Variants in ERBB4 observed in about 807,000 individuals in gnomAD.
The protein encoded by ERBB4 is receptor tyrosine-protein kinase erbB-4.
ERBB4 carries 42 observed loss-of-function variants against 158.0 expected under a neutral mutation model. The ratio of observed to expected loss-of-function variants is 0.27; its 90% CI spans 0.21 to 0.34. ERBB4 has a LOEUF of 0.34. Among genes scored for constraint, ERBB4 ranks in the 10% least tolerant of loss-of-function variants. ERBB4 has a pLI of 1.00. For missense variants in ERBB4, 1,333 were observed against 1,624.1 expected, an observed-to-expected ratio of 0.82 and a Z score of 3.08; for synonymous variants, 583 against 558.7, an observed-to-expected ratio of 1.04 and a Z score of -0.61.
intron 2 of ERBB4, among the ~76,000 whole-genome samples, chr2:211,973,350 C>G (rs550364867): frequency 6.6e-6 from 1 of 151,896 alleles, no homozygotes; most frequent in Non-Finnish European, 1.5e-5. Context: ...TACAGGTGCC[C>G]GCCACCACAC....
At chr2:211,877,027 T>C (rs1356977569) in intron 3 of ERBB4, among the ~76,000 whole-genome samples, 1 of 152,202 alleles carries the variant, frequency 6.6e-6, no homozygotes, top group Non-Finnish European at 1.5e-5. Flanking sequence ...CTTTCTTCCT[T>C]AATTACGGAA....
chr2:211,392,355 AAAC>A (rs1574398577), intron 25 of ERBB4, among the ~76,000 whole-genome samples: 1 of 152,132 alleles, frequency 6.6e-6, no homozygotes, highest in East Asian at 1.9e-4. Flanking sequence ...AATCAGAAGG[AAAC>A]AAACAGAATG....
chr2:211,521,857 T>A (rs1478317357), intron 20 of ERBB4, among the ~76,000 whole-genome samples: 1 of 152,172 alleles, frequency 6.6e-6, no homozygotes, highest in Non-Finnish European at 1.5e-5. Flanking sequence ...ACAGCACATC[T>A]GTTGTCAGCA....
chr2:211,723,694 G>A (rs928463006), intron 6 of ERBB4, among the ~76,000 whole-genome samples: 2 of 151,944 alleles, frequency 1.3e-5, no homozygotes, highest in South Asian at 2.1e-4. Context: ...TTTAATTTAT[G>A]GTTATAAAAT....
At chr2:211,615,466 T>G (rs1415001708) in intron 19 of ERBB4, among the ~76,000 whole-genome samples, 3 of 152,120 alleles carry the variant, frequency 2.0e-5, no homozygotes, top group Non-Finnish European at 4.4e-5. Flanking sequence ...GTCATTTTCT[T>G]AATGTTGTTC....
chr2:212,108,664 C>T (rs1158904437), intron 2 of ERBB4, among the ~76,000 whole-genome samples: 2 of 146,154 alleles, frequency 1.4e-5, no homozygotes, highest in African/African-American at 5.1e-5. Flanking sequence ...TATTCCCAAT[C>T]ACTTCACTAA....
chr2:212,037,613 C>G (rs949111466), intron 2 of ERBB4, among the ~76,000 whole-genome samples: 1 of 152,132 alleles, frequency 6.6e-6, no homozygotes, highest in Non-Finnish European at 1.5e-5. Flanking sequence ...AGAAATGCCA[C>G]AGGCTGAATA....
intron 1 of ERBB4, among the ~76,000 whole-genome samples, chr2:212,421,170 C>T (rs73987402): frequency 0.09 from 13,703 of 152,040 alleles, 1,087 homozygotes; most frequent in African/African-American, 0.2. Flanking sequence ...AATTATGGGT[C>T]AATATATTTT....
intron 3 of ERBB4, among the ~76,000 whole-genome samples, chr2:211,878,319 A>C (rs1336859353): frequency 1.3e-5 from 2 of 152,222 alleles, no homozygotes; most frequent in African/African-American, 2.4e-5. Context: ...AAAAAATTTA[A>C]ATAACAAAAT....
chr2:212,032,719 A>G (rs2076929820), intron 2 of ERBB4, among the ~76,000 whole-genome samples: 1 of 151,992 alleles, frequency 6.6e-6, no homozygotes, highest in African/African-American at 2.4e-5. Context: ...GGAGGGTGGT[A>G]TTGGCACTGA....
chr2:211,799,266 A>G (rs1477832491), intron 3 of ERBB4, among the ~76,000 whole-genome samples: 1 of 152,112 alleles, frequency 6.6e-6, no homozygotes, highest in Non-Finnish European at 1.5e-5. Flanking sequence ...TTATTTTCAT[A>G]TTGTCACATC....
chr2:212,455,405 G>C lies in ERBB4; in HGVS notation c.82+83044C>G, dbSNP rs545065259. On this transcript the variant is annotated intron_variant, in intron 1 of 27. Transcript: ENST00000342788. ...AGTAGCAGCCTCTAGCCCTGAGTTA[G>C]CCAGTAGAACTTTCTGCAATGATGA... 3.0e-5 allele frequency among the ~76,000 whole-genome samples: 4 copies of C among 134,568 alleles called. No individual in the cohort carries two copies. In the South Asian group the frequency reaches 9.3e-4, roughly 31 times the overall value. 88.3% of individuals were successfully genotyped at this position (134,568 alleles called of 152,430 possible). A position where few individuals can be genotyped will look rare whatever the true frequency, so the allele number is the denominator to read the frequency against.
At chr2:211,911,102 A>T (rs2079530043) in intron 3 of ERBB4, among the ~76,000 whole-genome samples, 1 of 152,196 alleles carries the variant, frequency 6.6e-6, no homozygotes, top group African/African-American at 2.4e-5. Flanking sequence ...TCCTTTATTT[A>T]TTTAGGTAAG....
intron 1 of ERBB4, among the ~76,000 whole-genome samples, chr2:212,222,112 T>C (rs12615037): frequency 6.6e-6 from 1 of 151,564 alleles, no homozygotes; most frequent in Non-Finnish European, 1.5e-5. Context: ...AGTATATAAG[T>C]GGATTATTTT....
intron 2 of ERBB4, among the ~76,000 whole-genome samples, chr2:212,047,998 G>A (rs1351765450): frequency 6.6e-6 from 1 of 152,102 alleles, no homozygotes; most frequent in Admixed American, 6.6e-5. Context: ...ACATTTTATT[G>A]GGTGTTCATG....
chr2:212,266,857 GA>G (rs771728399), intron 1 of ERBB4, among the ~76,000 whole-genome samples: 3 of 151,870 alleles, frequency 2.0e-5, no homozygotes, highest in African/African-American at 4.8e-5. Context: ...AATTAAATGA[GA>G]AGTTCTATTC....
At chr2:212,427,963 T>C (rs1468144352) in intron 1 of ERBB4, among the ~76,000 whole-genome samples, 1 of 152,142 alleles carries the variant, frequency 6.6e-6, no homozygotes, top group Non-Finnish European at 1.5e-5. Flanking sequence ...TTTTTTAAAG[T>C]ATTTGACAGA....
intron 1 of ERBB4, among the ~76,000 whole-genome samples, chr2:212,335,683 C>T (rs1048016672): frequency 3.9e-5 from 6 of 151,924 alleles, no homozygotes; most frequent in South Asian, 4.2e-4. Context: ...TCTTTGGGTT[C>T]GGATTAGTCA....
In ERBB4 at chr2:211,715,745, T is replaced by C. The variant is rs539997285; in HGVS notation, c.884-2097A>G. The stretch of plus-strand genomic sequence containing the variant: ...TTGCTTCTCTTCACCTTCACTGTGA[T>C]TGAAAGTTTCCTGAGCCCTCTCCAG... On this transcript the variant is annotated intron_variant, in intron 7 of 27. Transcript: ENST00000342788. Among the ~76,000 whole-genome samples, 16 of 152,276 alleles carry C rather than the reference T, an allele frequency of 1.1e-4. No homozygotes were observed. In the East Asian group the frequency reaches 2.9e-3, roughly 28 times the overall value.
Sources: allele counts gnomAD v4.1 joint callset (sites outside exome capture counted in the v4.1 genomes callset), GRCh38; gene constraint gnomAD v4.1.1; transcripts MANE v1.5; gene names NCBI Gene and HGNC (gene_info 2026-07-23, HGNC 2026-07-21).